Variants in DUS1L observed in about 807,000 individuals in gnomAD.
DUS1L encodes the protein dihydrouridine synthase 1 like.
DUS1L carries 56 observed loss-of-function variants against 61.2 expected under a neutral mutation model. The ratio of observed to expected loss-of-function variants is 0.92; its 90% confidence interval spans 0.74 to 1.14. The LOEUF (loss-of-function observed/expected upper bound fraction) is 1.14. DUS1L is among the 50% of genes most tolerant of loss of function. DUS1L has a pLI of 0.00. For synonymous variants in DUS1L, 278 were observed against 259.5 expected, an observed-to-expected ratio of 1.07 and a Z score of -0.69; for missense variants, 630 against 632.4, an observed-to-expected ratio of 1.00 and a Z score of 0.04.
chr17:82,061,054 C>G, intron 8 of DUS1L, 93 bp from the exon 9 acceptor site: 3 of 1,542,196 alleles, frequency 1.9e-6, no homozygotes, highest in South Asian at 1.2e-5. Context: ...TGTGTCTCTT[C>G]CTGCCCAACT....
rs528019194 is a variant in DUS1L at position 82,060,744 on chromosome 17, C to T, written c.979G>A (p.Asp327Asn). Residue 327 changes from aspartate (D) to asparagine (N), a missense_variant, in exon 10 of 14, where the codon GAC becomes AAC. Asp to Asn is a conservative substitution (Grantham distance 23). Coordinates refer to ENST00000306796, the MANE Select transcript of DUS1L (RefSeq NM_022156.5). Reference protein sequence around the residue: ...SRQEGAKPTGDLPFHWICQPY... With the variant: ...SRQEGAKPTGNLPFHWICQPY... ...TGGCAGATCCAGTGGAAGGGCAAGTCGCCGGTGGGCTTCGCTCCCTCCTGC... is the reference window on the plus strand; with the variant it reads ...TGGCAGATCCAGTGGAAGGGCAAGTTGCCGGTGGGCTTCGCTCCCTCCTGC... The T allele has an allele frequency of 1.3e-5, 21 of 1,612,904 alleles. No individual in the cohort carries two copies. Among genetic ancestry groups the T allele is most frequent in the East Asian group, 6.7e-5 (3 of 44,860 alleles).
intron 4 of DUS1L, 136 bp downstream of exon 4, chr17:82,063,332 G>C: frequency 8.2e-7 from 1 of 1,214,034 alleles, no homozygotes; most frequent in Non-Finnish European, 1.2e-6. Context: ...GGCTGCTGTG[G>C]GCAGGAAGCC....
At chr17:82,059,543 C>T (rs979690018) in intron 11 of DUS1L, 2 of 186,902 alleles carry the variant, frequency 1.1e-5, no homozygotes, top group East Asian at 1.4e-4. Context: ...CGAGCAGCCT[C>T]GTCCCGTGCC....
chr17:82,058,612 A>G (rs1230737963), intron 12 of DUS1L, 169 bp downstream of exon 12: 44 of 1,483,498 alleles, frequency 3.0e-5, no homozygotes, highest in Non-Finnish European at 3.9e-5. Context: ...AGGCCTGGGC[A>G]GGGGCTTGGC....
chr17:82,058,313 C>T lies in DUS1L; in HGVS notation c.1282+28G>A, dbSNP rs372300965. 2.6e-6 allele frequency: 4 copies of T among 1,521,282 alleles called. No homozygotes were observed. The African/African-American group carries it at 4.2e-5, about 16-fold the overall frequency. The allele number at this position is 1,521,282 out of a possible 1,614,324, so 94.2% of individuals were successfully genotyped here. ...GAGGCGGAGGGGGTCTGTTTGCCTG[C>T]TGCGGGGCGGGTGGTAGGCGCCCTC... On this transcript the variant is annotated intron_variant, in intron 13 of 13. Transcript: ENST00000306796.
Position 82,064,840 on chromosome 17 carries a change from G to A in DUS1L, c.220C>T (p.Arg74Trp), listed in dbSNP as rs2033691478. 1 of 1,610,588 alleles carries A rather than the reference G, an allele frequency of 6.2e-7. No individual in the cohort carries two copies. The highest frequency in any genetic ancestry group is 8.5e-7 in the Non-Finnish European group (1 of 1,178,992). The change falls in exon 2 of 14, where the codon CGG becomes TGG. Residue 74 changes from arginine (R) to tryptophan (W), a missense_variant. By Grantham distance (101) the Arg-to-Trp change is moderately radical. Transcript: ENST00000306796. ...CTGCGCACCTGCACGATGAGGGGCC[G>A]GTCCTCGGGGCACACCTCGCAGTAC... Reference protein sequence around the residue: ...NLYCEVCPEDRPLIVQFCAND... With the variant: ...NLYCEVCPEDWPLIVQFCAND...
At chr17:82,058,507 T>C in intron 12 of DUS1L, 91 bp from the exon 13 acceptor site, 1 of 1,471,080 alleles carries the variant, frequency 6.8e-7, no homozygotes, top group Non-Finnish European at 9.0e-7. Context: ...GGGAAGCCTC[T>C]GCCAGATGCC....
Position 82,057,885 on chromosome 17 carries a change from T to G in DUS1L, c.*230A>C, listed in dbSNP as rs1488416827. The G allele has an allele frequency of 3.4e-5, 14 of 415,948 alleles. No individual in the cohort carries two copies. The East Asian group carries it at 5.4e-4, about 16-fold the overall frequency. The allele number at this position is 415,948 out of a possible 1,614,324, so 25.8% of individuals were successfully genotyped here. On this transcript the variant is annotated 3_prime_UTR_variant, in exon 14 of 14. Transcript: ENST00000306796. ...TCACAGGCTGTGGGCTCTCGCATCT[T>G]TGAAATGATTTATTGTTCACTTTTG...
Position 82,064,806 on chromosome 17 carries a change from C to CG in DUS1L, c.237+16_237+17insC. The CG allele has an allele frequency of 2.5e-6, 4 of 1,595,056 alleles. No individual in the cohort carries two copies. Among genetic ancestry groups the CG allele is most frequent in the Non-Finnish European group, 2.6e-6 (3 of 1,170,082 alleles). ...GGGAACCCAACCGCGGCCGCGGCCA[C>CG]AGCCCCTCCTGCGCACCTGCACGAT... On this transcript the variant is annotated intron_variant, in intron 2 of 13. Transcript: ENST00000306796.
chr17:82,061,867 A>C, intron 6 of DUS1L, 34 bp downstream of exon 6: 2 of 1,592,606 alleles, frequency 1.3e-6, no homozygotes, highest in Non-Finnish European at 1.7e-6. Context: ...CAAAGCCCCA[A>C]GGACTGAGGG....
At chr17:82,060,667 G>A (rs2033438532) in intron 10 of DUS1L, 34 bp downstream of exon 10, 1 of 1,604,046 alleles carries the variant, frequency 6.2e-7, no homozygotes, top group Non-Finnish European at 8.5e-7. Flanking sequence ...ACACCTTGGT[G>A]CACATCCCCG....
At chr17:82,061,175 T>G (rs1482349175) in intron 8 of DUS1L, 34 bp downstream of exon 8, 16 of 1,562,136 alleles carry the variant, frequency 1.0e-5, no homozygotes, top group Non-Finnish European at 1.4e-5. Context: ...TGGGCGGCCC[T>G]CCAACGTGGC....
Position 82,058,036 on chromosome 17 carries a change from TC to T in DUS1L, c.*78del. 7.0e-7 allele frequency: 1 copy of T among 1,430,674 alleles called. No individual in the cohort carries two copies. Among genetic ancestry groups the T allele is most frequent in the South Asian group, 1.5e-5 (1 of 65,226 alleles). 88.6% of individuals were successfully genotyped at this position (1,430,674 alleles called of 1,614,324 possible). A position where few individuals can be genotyped will look rare whatever the true frequency, so the allele number is the denominator to read the frequency against. ...CTTTCCACATTAAGTAGCAGGAGATTCCCTGAGTAAAAGGCATTTTCTTAAG... is the reference window on the plus strand; with the variant it reads ...CTTTCCACATTAAGTAGCAGGAGATTCCTGAGTAAAAGGCATTTTCTTAAG... On this transcript the variant is annotated 3_prime_UTR_variant, in exon 14 of 14. Transcript: ENST00000306796.
chr17:82,060,008 T>C lies in DUS1L; in HGVS notation c.1108A>G (p.Lys370Glu), dbSNP rs1180549991. The change falls in exon 11 of 14, where the codon AAG becomes GAG. Residue 370 changes from lysine (K) to glutamate (E), a missense_variant. By Grantham distance (56) the Lys-to-Glu change is moderately conservative. Transcript: ENST00000306796. ...EEEGGTEVLS[K>E]NKQKKQLRNP... ...CTCAGCTGCTTCTTTTGCTTGTTCT[T>C]GGACAGGACCTCCGTGCCACCCTCC... is the stretch of plus-strand genomic sequence containing the variant. The C allele has an allele frequency of 1.2e-6, 2 of 1,613,950 alleles. No individual in the cohort carries two copies. Among genetic ancestry groups the C allele is most frequent in the Non-Finnish European group, 1.7e-6 (2 of 1,179,992 alleles).
intron 2 of DUS1L, 53 bp downstream of exon 2, chr17:82,064,770 A>C: frequency 6.9e-7 from 1 of 1,455,522 alleles, no homozygotes; most frequent in Non-Finnish European, 9.1e-7. Context: ...TTCCCCAGGC[A>C]TTCCAGGACC....
In DUS1L at chr17:82,061,955, T is replaced by C. The variant is rs1462574566; in HGVS notation, c.539A>G (p.Glu180Gly). The change falls in exon 6 of 14, where the codon GAG (glutamate) becomes GGG (glycine). Residue 180 changes from glutamate to glycine, a missense_variant. By Grantham distance (98) the Glu-to-Gly change is moderately conservative. Coordinates refer to ENST00000306796, the MANE Select transcript of DUS1L (RefSeq NM_022156.5). Reference protein sequence around the residue: ...QLLTVHGRTKEQKGPLSGAAS... With the variant: ...QLLTVHGRTKGQKGPLSGAAS... ...TGCACCCGACAGGGGCCCCTTCTGCTCCTTGGTGCGTCCGTGCACCGTCAG... is the reference window on the plus strand; with the variant it reads ...TGCACCCGACAGGGGCCCCTTCTGCCCCTTGGTGCGTCCGTGCACCGTCAG... 7.5e-6 allele frequency: 12 copies of C among 1,610,028 alleles called. No homozygotes were observed. The highest frequency in any genetic ancestry group is 9.3e-6 in the Non-Finnish European group (11 of 1,178,614).
At chr17:82,064,265 C>T (rs1463106690) in intron 2 of DUS1L, 31 bp from the exon 3 acceptor site, 1 of 1,586,018 alleles carries the variant, frequency 6.3e-7, no homozygotes, top group Admixed American at 1.7e-5. Context: ...AGCCACGGGC[C>T]CAGCCAGGCC....
At chr17:82,060,372 C>T in intron 10 of DUS1L, 1 of 581,404 alleles carries the variant, frequency 1.7e-6, no homozygotes, top group Non-Finnish European at 3.0e-6. Flanking sequence ...GAGAACCCAG[C>T]AGAAGCTGGG....
intron 6 of DUS1L, 71 bp from the exon 7 acceptor site, chr17:82,061,792 C>T (rs569973072): frequency 6.3e-7 from 1 of 1,593,076 alleles, no homozygotes; most frequent in East Asian, 2.2e-5. Context: ...CCAGCCACGG[C>T]CCCCTGGGTG....
Sources: gnomAD v4.1 joint callset for allele counts on GRCh38, gnomAD v4.1.1 for gene constraint, MANE v1.5 for transcripts, NCBI Gene and HGNC (gene_info 2026-07-23, HGNC 2026-07-21) for gene names.